The following SESN1 variants were observed in gnomAD, a reference collection of about 807,000 sequenced individuals.
SESN1 encodes sestrin 1.
Under a neutral mutation model 59.3 loss-of-function variants are expected in SESN1, and 30 were observed. The ratio of observed to expected loss-of-function variants is 0.51; its 90% CI spans 0.38 to 0.69. The LOEUF is 0.69. SESN1 is among the 30% of genes least tolerant of loss of function. The probability of loss-of-function intolerance (pLI) is 0.00; values close to 1 mark genes in which losing one functional copy is unlikely to be tolerated. For missense variants in SESN1, 566 were observed against 673.0 expected (o/e 0.84, Z 1.76); for synonymous variants, 197 against 219.9 (o/e 0.90, Z 0.92).
chr6:109,075,269 C>T lies in SESN1; in HGVS notation c.279+18526G>A, dbSNP rs541447556. Reference sequence around the variant, plus strand: ...GAGATAGGTTGTTAGGGTAATGGTTCCCAATGGCTTTTAAAATGGTTCCTA... The same window carrying T: ...GAGATAGGTTGTTAGGGTAATGGTTTCCAATGGCTTTTAAAATGGTTCCTA... On this transcript the variant is annotated intron_variant, in intron 1 of 9. Transcript: ENST00000436639. Among the ~76,000 whole-genome samples the T allele has an allele frequency of 6.6e-5, 10 of 152,264 alleles. No individual in the cohort carries two copies. In the South Asian group the frequency reaches 2.1e-3, roughly 32 times the overall value.
In SESN1 at chr6:109,007,285, GT is replaced by G. The variant is rs1779752532; in HGVS notation, c.280-4943del. ...TTGTGTACTGAAAAGTACTGTTCCA[GT>G]CAGATGTTTCAAATTTGTGAGATAC... On this transcript the variant is annotated intron_variant, in intron 1 of 9. Transcript: ENST00000436639. 2.6e-5 allele frequency among the ~76,000 whole-genome samples: 4 copies of G among 152,290 alleles called. No individual in the cohort carries two copies. The South Asian group carries it at 8.3e-4, about 32-fold the overall frequency.
At chr6:109,046,052 T>C (rs2356575) in intron 1 of SESN1, among the ~76,000 whole-genome samples, 17,123 of 152,186 alleles carry the variant, frequency 0.11, 1,064 homozygotes, top group Middle Eastern at 0.19. Flanking sequence ...AAAAATATTA[T>C]ATTTACAAGC....
chr6:109,077,392 G>A (rs1781049372), intron 1 of SESN1, among the ~76,000 whole-genome samples: 1 of 152,150 alleles, frequency 6.6e-6, no homozygotes, highest in Non-Finnish European at 1.5e-5. Flanking sequence ...TCATCTTTCT[G>A]GGTCTGTTTC....
chr6:109,064,916 C>T (rs949092130), intron 1 of SESN1, among the ~76,000 whole-genome samples: 1 of 152,102 alleles, frequency 6.6e-6, no homozygotes, highest in African/African-American at 2.4e-5. Context: ...TTACTTTCTA[C>T]ACCCTCTAGT....
intron 1 of SESN1, among the ~76,000 whole-genome samples, chr6:109,071,566 T>C (rs1266218093): frequency 6.6e-6 from 1 of 152,152 alleles, no homozygotes; most frequent in African/African-American, 2.4e-5. Flanking sequence ...CTGTTCATGT[T>C]ACATGAGGGC....
intron 1 of SESN1, among the ~76,000 whole-genome samples, chr6:109,070,137 G>A (rs145259448): frequency 7.2e-4 from 110 of 152,020 alleles, no homozygotes; most frequent in African/African-American, 1.7e-3. Context: ...ATACTTTCAC[G>A]TGATTTGAAT....
At chr6:109,014,892 T>C (rs1376494157) in intron 1 of SESN1, among the ~76,000 whole-genome samples, 1 of 152,200 alleles carries the variant, frequency 6.6e-6, no homozygotes, top group Non-Finnish European at 1.5e-5. Context: ...ACACTAATTT[T>C]GTAAGTTACT....
chr6:109,007,782 G>C (rs964427142), intron 1 of SESN1, among the ~76,000 whole-genome samples: 1 of 131,258 alleles, frequency 7.6e-6, no homozygotes, highest in East Asian at 2.2e-4. Context: ...GAAAGTCCAG[G>C]TACTTTTTTT....
chr6:109,008,877 G>A (rs1407753807), intron 1 of SESN1: 2 of 985,680 alleles, frequency 2.0e-6, no homozygotes, highest in Non-Finnish European at 2.4e-6. Flanking sequence ...AGTCAAATGT[G>A]TTTTTTTTCT....
chr6:109,079,948 G>A (rs1781092623), intron 1 of SESN1, among the ~76,000 whole-genome samples: 1 of 152,126 alleles, frequency 6.6e-6, no homozygotes. Context: ...AGACAATTGA[G>A]GCTCCTTTTC....
At chr6:109,001,624 A>T in intron 2 of SESN1, 136 bp from the exon 3 acceptor site, 1 of 726,666 alleles carries the variant, frequency 1.4e-6, no homozygotes, top group Non-Finnish European at 2.3e-6. Flanking sequence ...TACAAATTTA[A>T]ACTCAACTGG....
At chr6:109,083,015 G>T (rs1207155764) in intron 1 of SESN1, among the ~76,000 whole-genome samples, 2 of 152,054 alleles carry the variant, frequency 1.3e-5, no homozygotes, top group Admixed American at 1.3e-4. Flanking sequence ...CCCACTGTAT[G>T]AAGTATTATT....
intron 1 of SESN1, among the ~76,000 whole-genome samples, chr6:109,077,870 G>A (rs1781056534): frequency 6.6e-6 from 1 of 151,998 alleles, no homozygotes; most frequent in Non-Finnish European, 1.5e-5. Flanking sequence ...TTACCACAAT[G>A]CCATATGGTA....
At chr6:109,051,457 G>A (rs1003733463) in intron 1 of SESN1, among the ~76,000 whole-genome samples, 4 of 152,230 alleles carry the variant, frequency 2.6e-5, no homozygotes, top group African/African-American at 4.8e-5. Context: ...ACTCTTTGAA[G>A]GAGAAAATGT....
intron 1 of SESN1, among the ~76,000 whole-genome samples, chr6:109,025,349 T>G (rs1780075232): frequency 6.6e-6 from 1 of 151,930 alleles, no homozygotes; most frequent in Admixed American, 6.6e-5. Flanking sequence ...TAAAGTGGGC[T>G]GGTTATGTCC....
intron 1 of SESN1, among the ~76,000 whole-genome samples, chr6:109,079,107 A>C (rs1224272480): frequency 1.3e-5 from 2 of 151,978 alleles, no homozygotes; most frequent in Non-Finnish European, 2.9e-5. Context: ...ACTTCTGATA[A>C]ATTCTCATTG....
At chr6:109,060,514 G>C (rs1780714241) in intron 1 of SESN1, among the ~76,000 whole-genome samples, 1 of 152,136 alleles carries the variant, frequency 6.6e-6, no homozygotes, top group Non-Finnish European at 1.5e-5. Context: ...GAAGATTCTA[G>C]AAAAGTGTTA....
chr6:109,007,690 T>G (rs1413177133), intron 1 of SESN1, among the ~76,000 whole-genome samples: 1 of 151,814 alleles, frequency 6.6e-6, no homozygotes, highest in Non-Finnish European at 1.5e-5. Context: ...CTAGAAGTGT[T>G]AGAAATATGC....
At chr6:109,051,977 C>T (rs1780549528) in intron 1 of SESN1, among the ~76,000 whole-genome samples, 1 of 152,208 alleles carries the variant, frequency 6.6e-6, no homozygotes, top group African/African-American at 2.4e-5. Context: ...ATCACATTGA[C>T]AGCACCCAAA....
Sources: gnomAD v4.1 joint callset for allele counts (sites outside exome capture counted in the v4.1 genomes callset) on GRCh38, gnomAD v4.1.1 for gene constraint, MANE v1.5 for transcripts, NCBI Gene and HGNC (gene_info 2026-07-23, HGNC 2026-07-21) for gene names.